DCSTAMP: variants seen among roughly 807,000 people sequenced by gnomAD.
DCSTAMP encodes dendrocyte expressed seven transmembrane protein.
DCSTAMP carries 25 observed loss-of-function variants against 33.8 expected under a neutral mutation model. The observed-to-expected ratio is 0.74, with a 90% CI of 0.54 to 1.03. The LOEUF (loss-of-function observed/expected upper bound fraction) is 1.03. Among genes scored for constraint, DCSTAMP ranks in the 50% least tolerant of loss-of-function variants. DCSTAMP has a pLI of 0.00. For missense variants in DCSTAMP, 531 were observed against 556.8 expected (o/e 0.95, Z 0.47); for synonymous variants, 245 against 216.7 (o/e 1.13, Z -1.15).
intron 1 of DCSTAMP, among the ~76,000 whole-genome samples, chr8:104,345,961 G>T (rs991508586): frequency 2.6e-4 from 40 of 152,322 alleles, no homozygotes; most frequent in Non-Finnish European, 5.1e-4. Flanking sequence ...TCCAGCAGGG[G>T]CAAACAGTGA....
chr8:104,340,897 G>A (rs914054761), intron 1 of DCSTAMP, among the ~76,000 whole-genome samples: 1 of 152,240 alleles, frequency 6.6e-6, no homozygotes, highest in Non-Finnish European at 1.5e-5. Flanking sequence ...AGAAAGAACA[G>A]AGTGCTTGTC....
At chr8:104,355,277 A>G in intron 3 of DCSTAMP, 92 bp downstream of exon 3, 2 of 1,307,228 alleles carry the variant, frequency 1.5e-6, no homozygotes, top group Non-Finnish European at 2.1e-6. Context: ...TTAATGCTTC[A>G]ACTTCACATC....
Position 104,349,148 on chromosome 8 carries a change from A to G in DCSTAMP, c.596A>G (p.Gln199Arg). Residue 199 changes from glutamine (Q) to arginine (R), a missense_variant, in exon 2 of 4, where the codon CAG becomes CGG. Coordinates refer to ENST00000297581, the MANE Select transcript of DCSTAMP (RefSeq NM_030788.4). ...SKGEVLSVLY[Q>R]MATTTEVLSS... The stretch of plus-strand genomic sequence containing the variant: ...GGGGAAGTCCTGAGCGTCTTGTACC[A>G]GATGGCAACAACCACAGAGGTGTTG... 1 of 1,614,218 alleles carries G rather than the reference A, an allele frequency of 6.2e-7. No homozygotes were observed.
intron 1 of DCSTAMP, 134 bp downstream of exon 1, chr8:104,339,996 T>A (rs1240274028): frequency 6.6e-6 from 1 of 152,278 alleles, no homozygotes; most frequent in Non-Finnish European, 1.5e-5. Context: ...TGTATGGAAG[T>A]ATCAGAAAGT....
chr8:104,340,091 C>T lies in DCSTAMP; in HGVS notation c.-13+229C>T, dbSNP rs566430480. On this transcript the variant is annotated intron_variant, in intron 1 of 3. Transcript: ENST00000297581. Reference sequence around the variant, plus strand: ...CTTATGGGTGTAGCCTGGGTATACGCGAGCCACCCTTCACTTTATGAATCC... The same window carrying T: ...CTTATGGGTGTAGCCTGGGTATACGTGAGCCACCCTTCACTTTATGAATCC... 9.9e-5 allele frequency among the ~76,000 whole-genome samples: 15 copies of T among 152,240 alleles called. No homozygotes were observed. In the South Asian group the frequency reaches 2.3e-3, roughly 23 times the overall value.
intron 1 of DCSTAMP, chr8:104,340,357 G>A (rs1051282257): frequency 6.6e-6 from 1 of 152,240 alleles, no homozygotes; most frequent in African/African-American, 2.4e-5. Flanking sequence ...GTCATGAGGA[G>A]TTCTCTCTAC....
At chr8:104,351,601 T>G (rs1047794699) in intron 2 of DCSTAMP, among the ~76,000 whole-genome samples, 3 of 152,200 alleles carry the variant, frequency 2.0e-5, no homozygotes, top group African/African-American at 7.2e-5. Flanking sequence ...TAGTCTTAAT[T>G]TTATGCTAAT....
At chr8:104,341,569 T>G (rs1195689322) in intron 1 of DCSTAMP, among the ~76,000 whole-genome samples, 1 of 152,168 alleles carries the variant, frequency 6.6e-6, no homozygotes, top group Non-Finnish European at 1.5e-5. Flanking sequence ...TGGGCAGGGT[T>G]GATGTGGAAG....
At chr8:104,350,544 A>T (rs1261694165) in intron 2 of DCSTAMP, among the ~76,000 whole-genome samples, 1 of 152,236 alleles carries the variant, frequency 6.6e-6, no homozygotes, top group Admixed American at 6.5e-5. Context: ...AAAATGCTAC[A>T]CAGCTACACT....
intron 1 of DCSTAMP, among the ~76,000 whole-genome samples, chr8:104,344,032 A>G (rs11986546): frequency 0.071 from 10,773 of 152,268 alleles, 412 homozygotes; most frequent in Middle Eastern, 0.13. Flanking sequence ...TTAAAACAGG[A>G]CTCATGAAAA....
At chr8:104,346,093 T>A (rs1480431150) in intron 1 of DCSTAMP, among the ~76,000 whole-genome samples, 1 of 152,256 alleles carries the variant, frequency 6.6e-6, no homozygotes, top group Non-Finnish European at 1.5e-5. Flanking sequence ...ACTGTGTGAT[T>A]GCTGACAAAT....
At chr8:104,343,858 C>T (rs948356389) in intron 1 of DCSTAMP, among the ~76,000 whole-genome samples, 2 of 152,230 alleles carry the variant, frequency 1.3e-5, no homozygotes, top group African/African-American at 4.8e-5. Flanking sequence ...AGAACCCAAC[C>T]CTGCCAGACT....
At chr8:104,342,026 A>C (rs2099382967) in intron 1 of DCSTAMP, among the ~76,000 whole-genome samples, 1 of 152,218 alleles carries the variant, frequency 6.6e-6, no homozygotes, top group South Asian at 2.1e-4. Context: ...GTAAACTTTT[A>C]GATGCTGCCA....
At chr8:104,350,712 T>A (rs929400864) in intron 2 of DCSTAMP, among the ~76,000 whole-genome samples, 1 of 152,152 alleles carries the variant, frequency 6.6e-6, no homozygotes, top group Admixed American at 6.5e-5. Context: ...TCAAGGTAGG[T>A]GGTTCATAGA....
intron 1 of DCSTAMP, among the ~76,000 whole-genome samples, chr8:104,347,597 T>C (rs1032010205): frequency 6.6e-6 from 1 of 152,194 alleles, no homozygotes; most frequent in African/African-American, 2.4e-5. Context: ...TAAATCAGCA[T>C]TTATGATGGC....
chr8:104,349,179 C>A lies in DCSTAMP; in HGVS notation c.627C>A (p.Ser209=), dbSNP rs866546975. 6.2e-7 allele frequency: 1 copy of A among 1,614,222 alleles called. No homozygotes were observed. Among genetic ancestry groups the A allele is most frequent in the Non-Finnish European group, 8.5e-7 (1 of 1,180,040 alleles). Residue 209 remains serine (S), a synonymous_variant, in exon 2 of 4, where the codon TCC becomes TCA. Transcript: ENST00000297581. The stretch of plus-strand genomic sequence containing the variant: ...CAACAACCACAGAGGTGTTGTCCTC[C>A]CTGGGTCAGAAGCTACTTGCCTTTG... ...QMATTTEVLS[S]LGQKLLAFAG...
intron 2 of DCSTAMP, among the ~76,000 whole-genome samples, chr8:104,353,830 C>T (rs1252295962): frequency 2.0e-5 from 3 of 152,220 alleles, no homozygotes; most frequent in African/African-American, 7.2e-5. Context: ...GTGATAATAA[C>T]TTACTAAGCA....
At position 104,349,333 on chromosome 8, in the gene DCSTAMP, CA is replaced by C. The variant is rs1810403162; in HGVS notation, c.783del (p.Gln261HisfsTer9). 3.7e-6 allele frequency: 6 copies of C among 1,614,050 alleles called. No homozygotes were observed. Among genetic ancestry groups the C allele is most frequent in the Non-Finnish European group, 3.4e-6 (4 of 1,180,044 alleles). Reference protein sequence around the residue: ...FVQFDERERHQQRPCVLPLNK... With the variant: ...FVQFDERERHXQRPCVLPLNK... ...TCAGTTTGATGAAAGGGAGAGACATCAACAGAGGCCCTGTGTGCTCCCGCTG... is the reference window on the plus strand; with the variant it reads ...TCAGTTTGATGAAAGGGAGAGACATCACAGAGGCCCTGTGTGCTCCCGCTG... On this transcript the variant is annotated frameshift_variant, in exon 2 of 4. Transcript: ENST00000297581. LOFTEE classifies it high-confidence loss of function.
rs527713692 is a variant in DCSTAMP at position 104,356,058 on chromosome 8, G to A, written c.1339-66G>A. On this transcript the variant is annotated intron_variant, in intron 3 of 3. Transcript: ENST00000297581. ...ATCTTTAACCCCACAATGAAAAATT[G>A]ATGTCAGAGGCATTTAAAATGACTC... 127 of 1,398,000 alleles carry A rather than the reference G, an allele frequency of 9.1e-5. No individual in the cohort carries two copies. In the African/African-American group the frequency reaches 1.6e-3, roughly 18 times the overall value. 86.6% of individuals were successfully genotyped at this position (1,398,000 alleles called of 1,614,324 possible).
Sources: allele counts gnomAD v4.1 joint callset (sites outside exome capture counted in the v4.1 genomes callset), GRCh38; gene constraint gnomAD v4.1.1; transcripts MANE v1.5; gene names NCBI Gene and HGNC (gene_info 2026-07-23, HGNC 2026-07-21).